Variants in FERMT3 observed in about 807,000 individuals in gnomAD.
FERMT3 encodes the protein fermitin family homolog 3.
Under a neutral mutation model 80.8 loss-of-function variants are expected in FERMT3, and 33 were observed. The ratio of observed to expected loss-of-function variants is 0.41; its 90% CI spans 0.31 to 0.55. FERMT3 has a LOEUF of 0.55. Among genes scored for constraint, FERMT3 ranks in the 20% least tolerant of loss-of-function variants. FERMT3 has a pLI of 0.31. For synonymous variants in FERMT3, 375 were observed against 372.2 expected, an observed-to-expected ratio of 1.01 and a Z score of -0.09; for missense variants, 754 against 908.7, an observed-to-expected ratio of 0.83 and a Z score of 2.19.
In FERMT3 at chr11:64,211,162, T is replaced by A; in HGVS notation, c.505T>A (p.Leu169Met). 1 of 1,442,194 alleles carries A rather than the reference T, an allele frequency of 6.9e-7. No individual in the cohort carries two copies. Among genetic ancestry groups the A allele is most frequent in the Non-Finnish European group, 9.3e-7 (1 of 1,081,062 alleles). The allele number at this position is 1,442,194 out of a possible 1,614,324, so 89.3% of individuals were successfully genotyped here. The change falls in exon 4 of 15, where the codon TTG becomes ATG. Residue 169 changes from leucine (L) to methionine (M), a missense_variant. Transcript: ENST00000345728. This position sits in a 1 kb window ranked among gnomAD's most constrained non-coding sequence, Gnocchi z 4.7. ...EELYDLSKVV[L>M]AGGVAPALFR... Reference sequence around the variant, plus strand: ...GCTCTATGACTTGAGCAAGGTTGTCTTGGCTGGGGGTGAGTGCAAGTGGGG... The same window carrying A: ...GCTCTATGACTTGAGCAAGGTTGTCATGGCTGGGGGTGAGTGCAAGTGGGG...
chr11:64,210,697 T>C lies in FERMT3; in HGVS notation c.247T>C (p.Tyr83His), dbSNP rs201046544. The C allele has an allele frequency of 1.9e-6, 3 of 1,614,108 alleles. No individual in the cohort carries two copies. The African/African-American group carries it at 4.0e-5, about 22-fold the overall frequency. The change falls in exon 3 of 15, where the codon TAC becomes CAC. Residue 83 changes from tyrosine (Y) to histidine (H), a missense_variant. By Grantham distance (83) the Tyr-to-His change is moderately conservative. Coordinates refer to ENST00000345728, the MANE Select transcript of FERMT3 (RefSeq NM_031471.6). This position sits in a 1 kb window ranked among gnomAD's most constrained non-coding sequence, Gnocchi z 4.3. ...LLQTHWTLDK[Y>H]GILADARLFF... is the part of the protein sequence containing the mutation. ...GCAGACCCACTGGACACTGGACAAG[T>C]ACGGGATCCTGGCCGACGCACGCCT... is the stretch of plus-strand genomic sequence containing the variant.
intron 6 of FERMT3, among the ~76,000 whole-genome samples, chr11:64,216,197 A>AT (rs756581025): frequency 0.13 from 17,182 of 128,424 alleles, 2,730 homozygotes; most frequent in African/African-American, 0.38. Context: ...CTCTGTAAGG[A>AT]TTTTTTTTTT....
chr11:64,217,561 A>T (rs1946578275), intron 6 of FERMT3, among the ~76,000 whole-genome samples: 1 of 151,946 alleles, frequency 6.6e-6, no homozygotes, highest in Non-Finnish European at 1.5e-5. Context: ...AAAAAAAAAA[A>T]TTGTCTGTTT....
chr11:64,223,094 C>A lies in FERMT3; in HGVS notation c.1717C>A (p.Arg573=). Residue 573 remains arginine, a synonymous_variant, in exon 14 of 15, where the codon CGA becomes AGA. Transcript: ENST00000345728. The part of the protein sequence containing the change: ...KDEILGIANN[R]LIRIDLAVGD... ...CGAGATCCTGGGCATCGCCAACAAC[C>A]GACTGATCCGCATCGACTTGGCCGT... The A allele has an allele frequency of 1.2e-6, 2 of 1,613,918 alleles. No homozygotes were observed. Among genetic ancestry groups the A allele is most frequent in the Non-Finnish European group, 1.7e-6 (2 of 1,180,044 alleles).
intron 10 of FERMT3, 26 bp from the exon 11 acceptor site, chr11:64,220,194 C>G (rs1565296123): frequency 1.2e-6 from 2 of 1,610,702 alleles, no homozygotes; most frequent in Admixed American, 1.7e-5. Flanking sequence ...TCCCGACCTC[C>G]TAGACCACCC....
At chr11:64,207,586 G>A in intron 2 of FERMT3, 62 bp downstream of exon 2, 1 of 1,547,530 alleles carries the variant, frequency 6.5e-7, no homozygotes, top group Non-Finnish European at 8.8e-7. Context: ...GGGTGTCTCT[G>A]GGCACTTCCG....
intron 6 of FERMT3, among the ~76,000 whole-genome samples, chr11:64,216,539 G>A (rs1373675244): frequency 2.1e-5 from 3 of 143,990 alleles, no homozygotes; most frequent in East Asian, 2.3e-4. Flanking sequence ...GCTCACGCCT[G>A]TAATCCCAGC....
At position 64,220,333 on chromosome 11, in the gene FERMT3, GAGGGCTGGGCAGGGGCC is replaced by G; in HGVS notation, c.1311+13_1311+29del. On this transcript the variant is annotated splice_region_variant and intron_variant, in intron 11 of 14. Transcript: ENST00000345728. ...CTACCTGCGGTGCCAGGATGTGAGT[GAGGGCTGGGCAGGGGCC>G]AGGGCCGGGCAGGAGCTGGGGCAGG... 6.2e-7 allele frequency: 1 copy of G among 1,613,150 alleles called. No homozygotes were observed. Among genetic ancestry groups the G allele is most frequent in the Non-Finnish European group, 8.5e-7 (1 of 1,179,458 alleles).
chr11:64,212,224 T>C (rs1946458277), intron 6 of FERMT3, among the ~76,000 whole-genome samples: 1 of 152,162 alleles, frequency 6.6e-6, no homozygotes, highest in Admixed American at 6.5e-5. Flanking sequence ...CTTCCTCCCT[T>C]CCTCCATTGG....
In FERMT3 at chr11:64,211,149, G is replaced by T. The variant is rs997016435; in HGVS notation, c.492G>T (p.Leu164Phe). The change falls in exon 4 of 15, where the codon TTG (leucine) becomes TTT (phenylalanine). Residue 164 changes from leucine (L) to phenylalanine (F), a missense_variant. Physicochemically the swap from Leu to Phe is conservative, Grantham distance 22. Coordinates refer to ENST00000345728, the MANE Select transcript of FERMT3 (RefSeq NM_031471.6). This position sits in a 1 kb window ranked among gnomAD's most constrained non-coding sequence, Gnocchi z 4.7. ...EKEPEEELYD[L>F]SKVVLAGGVA... is the part of the protein sequence containing the mutation. ...AGCCAGAGGAAGAGCTCTATGACTT[G>T]AGCAAGGTTGTCTTGGCTGGGGGTG... 1 of 1,539,130 alleles carries T rather than the reference G, an allele frequency of 6.5e-7. No individual in the cohort carries two copies. The highest frequency in any genetic ancestry group is 8.8e-7 in the Non-Finnish European group (1 of 1,139,442).
chr11:64,207,045 G>A (rs1946325124), intron 1 of FERMT3, among the ~76,000 whole-genome samples: 1 of 152,020 alleles, frequency 6.6e-6, no homozygotes, highest in African/African-American at 2.4e-5. Context: ...GTCTGGGAGT[G>A]AGCTGTGGGC....
At position 64,223,524 on chromosome 11, in the gene FERMT3, AC is replaced by A. The variant is rs5792315; in HGVS notation, c.*35del. The A allele has an allele frequency of 0.46, 727,991 of 1,580,952 alleles. 173,318 individuals carry two copies. The highest frequency in any genetic ancestry group is 0.76 in the African/African-American group (56,656 of 74,544). On this transcript the variant is annotated 3_prime_UTR_variant, in exon 15 of 15. Transcript: ENST00000345728. ...TCTGATTGCCCCTGCCCTGCTCACC[AC>A]CCTGTCACAGCCACTCCCAAGCCCA...
chr11:64,219,788 C>T lies in FERMT3; in HGVS notation c.1078C>T (p.Arg360Trp), dbSNP rs771347436. 1.2e-6 allele frequency: 2 copies of T among 1,614,070 alleles called. No homozygotes were observed. The highest frequency in any genetic ancestry group is 1.7e-5 in the Admixed American group (1 of 60,014). Residue 360 changes from arginine to tryptophan, a missense_variant and splice_region_variant, in exon 9 of 15, where the codon CGG becomes TGG. Physicochemically the swap from Arg to Trp is moderately radical, Grantham distance 101 (BLOSUM62 -3). Coordinates refer to ENST00000345728, the MANE Select transcript of FERMT3 (RefSeq NM_031471.6). This position sits in a 1 kb window ranked among gnomAD's most constrained non-coding sequence, Gnocchi z 4.0. ...PELKDHLRIF[R>W]PRKLTLKGYR... The stretch of plus-strand genomic sequence containing the variant: ...GCTCAAGGACCATCTCCGAATCTTT[C>T]GGTGAGTTGGGGGCCAGAGTAGGCA...
At chr11:64,213,544 C>T (rs1235529136) in intron 6 of FERMT3, among the ~76,000 whole-genome samples, 31 of 147,292 alleles carry the variant, frequency 2.1e-4, no homozygotes, top group African/African-American at 7.4e-4. Context: ...CGAGCCACTG[C>T]GCCTGGCCTA....
chr11:64,220,957 C>T (rs1173740644), intron 12 of FERMT3, 59 bp from the exon 13 acceptor site: 46 of 1,589,094 alleles, frequency 2.9e-5, no homozygotes, highest in South Asian at 5.6e-5. Flanking sequence ...GGTGGGGGCT[C>T]GGTGACTCTG....
At chr11:64,207,771 T>C (rs917210157) in intron 2 of FERMT3, 7 of 476,864 alleles carry the variant, frequency 1.5e-5, no homozygotes, top group African/African-American at 8.0e-5. Flanking sequence ...CAATCCTCCA[T>C]TCAGCCACCA....
chr11:64,210,263 T>A lies in FERMT3; in HGVS notation c.161-348T>A, dbSNP rs763183763. Reference sequence around the variant, plus strand: ...CCCCAGAATGCAAGACAGAGGCTGTTAAACCGTGGATTATGGGAGGACAGA... The same window carrying A: ...CCCCAGAATGCAAGACAGAGGCTGTAAAACCGTGGATTATGGGAGGACAGA... On this transcript the variant is annotated intron_variant, in intron 2 of 14. Transcript: ENST00000345728. The surrounding 1 kb of genome is among the most constrained non-coding windows in gnomAD (Gnocchi z 4.3). 6.6e-6 allele frequency among the ~76,000 whole-genome samples: 1 copy of A among 152,096 alleles called. No individual in the cohort carries two copies.
At position 64,220,673 on chromosome 11, in the gene FERMT3, C is replaced by G; in HGVS notation, c.1545+4C>G. ...GCGAAAGTTCAAGGCCAAGCAGGTA[C>G]CAGAAGGCGTCAGGGTGGGAATGAG... On this transcript the variant is annotated splice_donor_region_variant and intron_variant, in intron 12 of 14. Transcript: ENST00000345728. The G allele has an allele frequency of 6.2e-7, 1 of 1,607,578 alleles. No homozygotes were observed. The highest frequency in any genetic ancestry group is 8.5e-7 in the Non-Finnish European group (1 of 1,177,030).
At position 64,211,747 on chromosome 11, in the gene FERMT3, G is replaced by A; in HGVS notation, c.786G>A (p.Lys262=). 3.7e-6 allele frequency: 6 copies of A among 1,614,140 alleles called. No homozygotes were observed. The highest frequency in any genetic ancestry group is 5.1e-6 in the Non-Finnish European group (6 of 1,180,010). ...ACAGCTTCTTCGATTTGGATCCCAA[G>A]GTGGGTCGGGGCAGGGAGAAAGCGG... The part of the protein sequence containing the change: ...KYYSFFDLDP[K]TDPVRLTQLY... Residue 262 remains lysine, a splice_region_variant and synonymous_variant, in exon 6 of 15, where the codon AAG becomes AAA. Transcript: ENST00000345728. The surrounding 1 kb of genome is among the most constrained non-coding windows in gnomAD (Gnocchi z 4.7).
Sources: allele counts gnomAD v4.1 joint callset (sites outside exome capture counted in the v4.1 genomes callset), GRCh38; gene constraint gnomAD v4.1.1; non-coding constraint Gnocchi (gnomAD v3.1); transcripts MANE v1.5; gene names NCBI Gene and HGNC (gene_info 2026-07-23, HGNC 2026-07-21).